MND1: variants seen among roughly 807,000 people sequenced by gnomAD.
MND1 encodes meiotic nuclear divisions 1.
MND1 carries 28 observed loss-of-function variants against 35.1 expected under a neutral mutation model. That is an observed-to-expected ratio of 0.80 (90% CI 0.59 to 1.09). The LOEUF (loss-of-function observed/expected upper bound fraction) is 1.09, where lower values mean the gene tolerates loss of function less well. Among genes scored for constraint, MND1 ranks in the 50% least tolerant of loss-of-function variants. MND1 has a pLI of 0.00. For missense variants in MND1, 213 were observed against 239.6 expected (o/e 0.89, Z 0.73); for synonymous variants, 69 against 70.5 (o/e 0.98, Z 0.11).
chr4:153,399,588 G>A (rs180702616), intron 6 of MND1, among the ~76,000 whole-genome samples: 4 of 152,204 alleles, frequency 2.6e-5, no homozygotes, highest in Non-Finnish European at 4.4e-5. Flanking sequence ...GGTCTGATTC[G>A]AGTAGCACTT....
intron 7 of MND1, among the ~76,000 whole-genome samples, chr4:153,414,351 G>T (rs1045016043): frequency 6.6e-6 from 1 of 150,478 alleles, no homozygotes; most frequent in African/African-American, 2.4e-5. Flanking sequence ...GTGTGATCTC[G>T]GCTCACCACA....
At chr4:153,395,961 G>A (rs1361855603) in intron 5 of MND1, among the ~76,000 whole-genome samples, 1 of 152,150 alleles carries the variant, frequency 6.6e-6, no homozygotes, top group Non-Finnish European at 1.5e-5. Context: ...CTGGGCTCAA[G>A]TGATCCCCCT....
chr4:153,397,131 A>G, intron 5 of MND1, 88 bp from the exon 6 acceptor site: 1 of 839,992 alleles, frequency 1.2e-6, no homozygotes, highest in Non-Finnish European at 1.8e-6. Flanking sequence ...TTTATAAGAA[A>G]TAAAATGAAA....
intron 4 of MND1, among the ~76,000 whole-genome samples, chr4:153,363,401 AG>A (rs1256843808): frequency 6.6e-6 from 1 of 151,960 alleles, no homozygotes; most frequent in Non-Finnish European, 1.5e-5. Context: ...TGGTAGAGAC[AG>A]GGTTTTGCCG....
chr4:153,349,806 C>T (rs1445194890), intron 1 of MND1, among the ~76,000 whole-genome samples: 1 of 152,188 alleles, frequency 6.6e-6, no homozygotes, highest in African/African-American at 2.4e-5. Context: ...AATACAGTGG[C>T]TTATCATTGG....
At chr4:153,348,618 T>G (rs1477253344) in intron 1 of MND1, among the ~76,000 whole-genome samples, 2 of 152,196 alleles carry the variant, frequency 1.3e-5, no homozygotes, top group African/African-American at 2.4e-5. Flanking sequence ...AAACACCTGA[T>G]CATTTTATTC....
At chr4:153,385,141 T>C (rs1728817777) in intron 4 of MND1, among the ~76,000 whole-genome samples, 1 of 152,250 alleles carries the variant, frequency 6.6e-6, no homozygotes, top group Non-Finnish European at 1.5e-5. Context: ...TATAAATGCT[T>C]ATTGAATGAA....
chr4:153,355,549 T>G, intron 2 of MND1, 105 bp from the exon 3 acceptor site: 1 of 675,518 alleles, frequency 1.5e-6, no homozygotes, highest in Non-Finnish European at 2.6e-6. Flanking sequence ...ACCCTGTAAA[T>G]GTATACAACT....
At chr4:153,414,425 G>A (rs889593429) in intron 7 of MND1, among the ~76,000 whole-genome samples, 1 of 151,882 alleles carries the variant, frequency 6.6e-6, no homozygotes, top group Non-Finnish European at 1.5e-5. Flanking sequence ...GGGATTACAG[G>A]TGCCCGCCAC....
chr4:153,381,892 T>C (rs1728718181), intron 4 of MND1: 1 of 150,622 alleles, frequency 6.6e-6, no homozygotes. Context: ...GGTCACCATA[T>C]TGGTGCCAAA....
At chr4:153,384,789 A>C (rs1214179976) in intron 4 of MND1, among the ~76,000 whole-genome samples, 1 of 151,980 alleles carries the variant, frequency 6.6e-6, no homozygotes, top group East Asian at 1.9e-4. Flanking sequence ...TTCTTACTTG[A>C]TGGGATTTTC....
At chr4:153,379,602 G>A (rs531590972) in intron 4 of MND1, among the ~76,000 whole-genome samples, 16 of 151,010 alleles carry the variant, frequency 1.1e-4, no homozygotes, top group East Asian at 3.9e-4. Context: ...CTGTAATCCC[G>A]GCACTTTGGG....
At position 153,355,618 on chromosome 4, in the gene MND1, AC is replaced by A. The variant is rs776837764; in HGVS notation, c.70-35del. The A allele has an allele frequency of 3.7e-6, 5 of 1,346,312 alleles. No homozygotes were observed. The Admixed American group carries it at 7.0e-5, about 19-fold the overall frequency. The allele number at this position is 1,346,312 out of a possible 1,614,324, so 83.4% of individuals were successfully genotyped here. On this transcript the variant is annotated intron_variant, in intron 2 of 7. Coordinates refer to ENST00000240488, the MANE Select transcript of MND1 (RefSeq NM_032117.4). ...AAAATATACATAGTAGAAAATAAAC[AC>A]GTGCTTTTCATTTTCTTTAAAACCC...
chr4:153,345,714 TGTATG>T (rs566809480), intron 1 of MND1, among the ~76,000 whole-genome samples: 113 of 152,380 alleles, frequency 7.4e-4, no homozygotes, highest in African/African-American at 2.5e-3. Flanking sequence ...AGGATCCAGT[TGTATG>T]GTATTTATTT....
Position 153,349,972 on chromosome 4 carries a change from A to G in MND1, c.4-92A>G, listed in dbSNP as rs1317023783. The G allele has an allele frequency of 4.7e-6, 4 of 844,992 alleles. No homozygotes were observed. In the East Asian group the frequency reaches 7.4e-5, roughly 16 times the overall value. 52.3% of individuals were successfully genotyped at this position (844,992 alleles called of 1,614,324 possible). On this transcript the variant is annotated intron_variant, in intron 1 of 7. Transcript: ENST00000240488. ...AGTATCAAACCTGTTGGCATCAGAT[A>G]AGACCATGCATAAAATTTCAAATGT...
chr4:153,365,035 C>T (rs576546446), intron 4 of MND1, among the ~76,000 whole-genome samples: 2 of 151,884 alleles, frequency 1.3e-5, no homozygotes, highest in South Asian at 4.2e-4. Flanking sequence ...CCTGACATTG[C>T]TGACCTTGGA....
At position 153,393,924 on chromosome 4, in the gene MND1, C is replaced by CTTTTTTTTTTTTTTT. The variant is rs36028750; in HGVS notation, c.277-328_277-314dup. On this transcript the variant is annotated intron_variant, in intron 4 of 7. Coordinates refer to ENST00000240488, the MANE Select transcript of MND1 (RefSeq NM_032117.4). ...CCAGTATAGTGTTTGACTTTGTTTT[C>CTTTTTTTTTTTTTTT]TTTTTTTTTTTTTTTTTTTTTTTTG... is the stretch of plus-strand genomic sequence containing the variant. Among the ~76,000 whole-genome samples, 63 of 56,478 alleles carry CTTTTTTTTTTTTTTT rather than the reference C, an allele frequency of 1.1e-3. 12 individuals are homozygous for CTTTTTTTTTTTTTTT. The highest frequency in any genetic ancestry group is 3.6e-3 in the African/African-American group (50 of 14,060). 37.1% of individuals were successfully genotyped at this position (56,478 alleles called of 152,430 possible). A position where few individuals can be genotyped will look rare whatever the true frequency, so the allele number is the denominator to read the frequency against.
At chr4:153,355,034 C>T (rs1773305812) in intron 2 of MND1, among the ~76,000 whole-genome samples, 1 of 151,984 alleles carries the variant, frequency 6.6e-6, no homozygotes, top group Middle Eastern at 3.2e-3. Context: ...CATGGTGGTG[C>T]ATGTCTGTAG....
At chr4:153,371,949 G>A (rs1226537289) in intron 4 of MND1, among the ~76,000 whole-genome samples, 1 of 152,040 alleles carries the variant, frequency 6.6e-6, no homozygotes, top group Non-Finnish European at 1.5e-5. Context: ...CCACTGTAGG[G>A]TTATTAATTG....
Sources: allele counts gnomAD v4.1 joint callset (sites outside exome capture counted in the v4.1 genomes callset), GRCh38; gene constraint gnomAD v4.1.1; transcripts MANE v1.5; gene names NCBI Gene and HGNC (gene_info 2026-07-23, HGNC 2026-07-21).